FHIP2B: variants seen among roughly 807,000 people sequenced by gnomAD.
FHIP2B encodes FHF complex subunit HOOK-interacting protein 2B.
In FHIP2B, 72 loss-of-function variants were observed where a neutral mutation model predicts 84.0. The ratio of observed to expected loss-of-function variants is 0.86; its 90% CI spans 0.71 to 1.04. FHIP2B has a LOEUF of 1.04. Ranked by LOEUF, FHIP2B falls within the 50% of genes least tolerant of loss-of-function variation. FHIP2B has a pLI of 0.00. For synonymous variants in FHIP2B, 497 were observed against 418.7 expected (o/e 1.19, Z -2.28); for missense variants, 972 against 968.9 (o/e 1.00, Z -0.04).
At chr8:22,090,299 T>C (rs923250140) in intron 1 of FHIP2B, among the ~76,000 whole-genome samples, 3 of 152,156 alleles carry the variant, frequency 2.0e-5, no homozygotes, top group African/African-American at 7.2e-5. Flanking sequence ...GGTTTCACCC[T>C]CCTTCCTCCC....
intron 14 of FHIP2B, 113 bp from the exon 15 acceptor site, chr8:22,102,062 C>G: frequency 2.5e-6 from 4 of 1,577,740 alleles, no homozygotes; most frequent in Non-Finnish European, 3.4e-6. Flanking sequence ...ACACACATCA[C>G]GTGAGCCTCC....
intron 13 of FHIP2B, 57 bp from the exon 14 acceptor site, chr8:22,101,651 C>T: frequency 6.4e-7 from 1 of 1,567,736 alleles, no homozygotes; most frequent in Non-Finnish European, 8.7e-7. Context: ...GCGTGGGGCC[C>T]TGTCTGCTGG....
rs1825855263 is a variant in FHIP2B at position 22,097,706 on chromosome 8, TG to T, written c.403-10del. 1.2e-6 allele frequency: 2 copies of T among 1,612,300 alleles called. No individual in the cohort carries two copies. Among genetic ancestry groups the T allele is most frequent in the Non-Finnish European group, 1.7e-6 (2 of 1,179,502 alleles). On this transcript the variant is annotated splice_polypyrimidine_tract_variant and intron_variant, in intron 4 of 16. Transcript: ENST00000289921. ...CCTCTCCCCTCTGTTTCTGTCCTGG[TG>T]CTCTTCCAGAAACTCCTCCGACTTG...
At chr8:22,099,650 A>C (rs1195298199) in intron 9 of FHIP2B, 54 bp from the exon 10 acceptor site, 9 of 1,508,570 alleles carry the variant, frequency 6.0e-6, no homozygotes, top group Non-Finnish European at 7.1e-6. Context: ...GGCCACCCGC[A>C]CTCATGTGCT....
intron 1 of FHIP2B, among the ~76,000 whole-genome samples, chr8:22,093,307 G>A (rs567431881): frequency 1.6e-4 from 22 of 136,588 alleles, no homozygotes; most frequent in African/African-American, 5.7e-4. Context: ...CAAGAAAAGC[G>A]AAGGAATGGT....
Position 22,100,605 on chromosome 8 carries a change from C to T in FHIP2B, c.1353C>T (p.Thr451=), listed in dbSNP as rs1436668706. ...CCTTCCTGCTCCAGATCAGCATCAC[C>T]ACACTCCGGCTGTTTGAGGAGCTGC... The part of the protein sequence containing the change: ...CDHLSDEISI[T]TLRLFEELLQ... Residue 451 remains threonine (T), a synonymous_variant, in exon 11 of 17, where the codon ACC becomes ACT. Transcript: ENST00000289921. 1.3e-6 allele frequency: 2 copies of T among 1,560,534 alleles called. No individual in the cohort carries two copies. The highest frequency in any genetic ancestry group is 1.9e-5 in the Admixed American group (1 of 52,378).
In FHIP2B at chr8:22,103,149, C is replaced by T. The variant is rs1328486740; in HGVS notation, c.*218C>T. ...AGATGGCTTTCCAGGCAGCAAGGTC[C>T]TTGGGGCCTTCTTGGAGGAGCTTGG... On this transcript the variant is annotated 3_prime_UTR_variant, in exon 17 of 17. Transcript: ENST00000289921. The T allele has an allele frequency of 8.1e-6, 5 of 614,528 alleles. No homozygotes were observed. The highest frequency in any genetic ancestry group is 1.4e-5 in the Non-Finnish European group (5 of 357,644). 38.1% of individuals were successfully genotyped at this position (614,528 alleles called of 1,614,324 possible).
chr8:22,101,695 C>T lies in FHIP2B; in HGVS notation c.1708-13C>T. On this transcript the variant is annotated splice_polypyrimidine_tract_variant and intron_variant, in intron 13 of 16. Transcript: ENST00000289921. ...CCCCAGGCCCACTGCCTCTACTTTC[C>T]CGCCTGTCTCAGTTCCAGGAGTGCA... 4 of 1,602,440 alleles carry T rather than the reference C, an allele frequency of 2.5e-6. No individual in the cohort carries two copies. The highest frequency in any genetic ancestry group is 2.3e-5 in the East Asian group (1 of 44,386).
chr8:22,094,508 C>A lies in FHIP2B; in HGVS notation c.114C>A (p.Ile38=), dbSNP rs764723609. The change falls in exon 2 of 17, where the codon ATC becomes ATA. Residue 38 remains isoleucine (I), a synonymous_variant. Coordinates refer to ENST00000289921, the MANE Select transcript of FHIP2B (RefSeq NM_022749.7). ...EHWKGITHYY[I]ESTDESTPAK... is the part of the protein sequence containing the mutation. ...GGAAGGGCATCACGCACTACTACAT[C>A]GAGAGCACAGGTGCGGCCTGGCCCT... The A allele has an allele frequency of 1.9e-5, 31 of 1,611,090 alleles. No individual in the cohort carries two copies. In the Middle Eastern group the frequency reaches 6.6e-4, roughly 34 times the overall value.
rs765499955 is a variant in FHIP2B at position 22,101,696 on chromosome 8, C to T, written c.1708-12C>T. On this transcript the variant is annotated splice_polypyrimidine_tract_variant and intron_variant, in intron 13 of 16. Coordinates refer to ENST00000289921, the MANE Select transcript of FHIP2B (RefSeq NM_022749.7). ...CCCAGGCCCACTGCCTCTACTTTCC[C>T]GCCTGTCTCAGTTCCAGGAGTGCAG... The T allele has an allele frequency of 2.9e-5, 47 of 1,602,526 alleles. No homozygotes were observed. Among genetic ancestry groups the T allele is most frequent in the East Asian group, 6.8e-5 (3 of 44,378 alleles).
At position 22,100,711 on chromosome 8, in the gene FHIP2B, C is replaced by A; in HGVS notation, c.1459C>A (p.Pro487Thr). 6.2e-7 allele frequency: 1 copy of A among 1,604,660 alleles called. No homozygotes were observed. Among genetic ancestry groups the A allele is most frequent in the Non-Finnish European group, 8.5e-7 (1 of 1,174,442 alleles). ...CCGCCCTTACGTGGCCTGGGGCTCA[C>A]CAGAGCCTGAGAGCTATGAGGACAC... The part of the protein sequence containing the change: ...EGRPYVAWGS[P>T]EPESYEDTLD... The change falls in exon 11 of 17, where the codon CCA (proline) becomes ACA (threonine). Residue 487 changes from proline (P) to threonine (T), a missense_variant. Physicochemically the swap from Pro to Thr is conservative, Grantham distance 38. Transcript: ENST00000289921.
chr8:22,100,517 CTGGGT>C, intron 10 of FHIP2B, 72 bp from the exon 11 acceptor site: 2 of 1,418,388 alleles, frequency 1.4e-6, no homozygotes, highest in Non-Finnish European at 1.8e-6. Context: ...CTTTTCTTAT[CTGGGT>C]TAGCCATGCC....
chr8:22,094,769 G>A (rs1214429981), intron 2 of FHIP2B: 20 of 1,299,860 alleles, frequency 1.5e-5, no homozygotes, highest in Non-Finnish European at 1.8e-5. Context: ...GGAGTAGCCT[G>A]GTTGGGGGTC....
At chr8:22,102,462 T>C in intron 15 of FHIP2B, 66 bp from the exon 16 acceptor site, 1 of 1,531,854 alleles carries the variant, frequency 6.5e-7, no homozygotes, top group Non-Finnish European at 8.8e-7. Context: ...CTGCATGGTG[T>C]GGCAGGGCCA....
At chr8:22,097,329 C>A (rs866643798) in intron 3 of FHIP2B, among the ~76,000 whole-genome samples, 187 bp from the exon 4 acceptor site, 1 of 149,430 alleles carries the variant, frequency 6.7e-6, no homozygotes, top group Non-Finnish European at 1.5e-5. Context: ...CTCAGTACCC[C>A]CCAGGCATGC....
At chr8:22,101,418 C>T (rs1826104425) in intron 12 of FHIP2B, 22 bp from the exon 13 acceptor site, 1 of 1,584,254 alleles carries the variant, frequency 6.3e-7, no homozygotes, top group South Asian at 1.1e-5. Flanking sequence ...GGAGCGCCTC[C>T]ACACCGGCTT....
At position 22,102,078 on chromosome 8, in the gene FHIP2B, C is replaced by A; in HGVS notation, c.1852-97C>A. On this transcript the variant is annotated intron_variant, in intron 14 of 16. Transcript: ENST00000289921. The stretch of plus-strand genomic sequence containing the variant: ...CACACATCACGTGAGCCTCCCACCC[C>A]CACACACGTTCACAGTGGCCAGGCA... 6 of 1,599,236 alleles carry A rather than the reference C, an allele frequency of 3.8e-6. No homozygotes were observed. The South Asian group carries it at 4.5e-5, about 12-fold the overall frequency.
chr8:22,093,374 C>G (rs918119459), intron 1 of FHIP2B, among the ~76,000 whole-genome samples: 1 of 152,114 alleles, frequency 6.6e-6, no homozygotes, highest in East Asian at 1.9e-4. Flanking sequence ...TGATTGTTCT[C>G]AGTGCAAGGC....
chr8:22,101,865 C>T lies in FHIP2B; in HGVS notation c.1851+14C>T, dbSNP rs753280217. ...ATTCTGGATCAGGTAGCTAGTGGGC[C>T]TGGGCCAGGAGAACTCCAGGCTGGT... On this transcript the variant is annotated intron_variant, in intron 14 of 16. Coordinates refer to ENST00000289921, the MANE Select transcript of FHIP2B (RefSeq NM_022749.7). 3.7e-6 allele frequency: 6 copies of T among 1,612,162 alleles called. No individual in the cohort carries two copies. The highest frequency in any genetic ancestry group is 5.1e-6 in the Non-Finnish European group (6 of 1,179,290).
Sources: allele counts gnomAD v4.1 joint callset (sites outside exome capture counted in the v4.1 genomes callset), GRCh38; gene constraint gnomAD v4.1.1; transcripts MANE v1.5; gene names NCBI Gene and HGNC (gene_info 2026-07-23, HGNC 2026-07-21).